The following L3MBTL4 variants were observed in gnomAD, a reference collection of about 807,000 sequenced individuals.
L3MBTL4 encodes the protein lethal(3)malignant brain tumor-like protein 4.
A neutral mutation model predicts 84.5 loss-of-function variants in L3MBTL4; 70 were observed. The observed-to-expected ratio is 0.83, with a 90% CI of 0.68 to 1.01. The LOEUF (loss-of-function observed/expected upper bound fraction) is 1.01, where lower values mean the gene tolerates loss of function less well. Among genes scored for constraint, L3MBTL4 ranks in the 50% least tolerant of loss-of-function variants. L3MBTL4 has a pLI of 0.00. For synonymous variants in L3MBTL4, 274 were observed against 259.8 expected (o/e 1.05, Z -0.52); for missense variants, 715 against 754.8 (o/e 0.95, Z 0.62).
Position 6,103,718 on chromosome 18 carries a change from T to C in L3MBTL4, c.1200-10190A>G, listed in dbSNP as rs79127322. Among the ~76,000 whole-genome samples, 494 of 152,370 alleles carry C rather than the reference T, an allele frequency of 3.2e-3. 7 individuals are homozygous for C. In the East Asian group the frequency reaches 0.046, roughly 14 times the overall value. On this transcript the variant is annotated intron_variant, in intron 14 of 18. Coordinates refer to ENST00000317931, the MANE Select transcript of L3MBTL4 (RefSeq NM_001330559.2). ...GTTTACATAGGTATATATTTATGTA[T>C]ACCCGCAAGCATCTAACCTGTGTGT...
Position 5,969,680 on chromosome 18 carries a change from C to CCCG in L3MBTL4, c.1445-121_1445-119dup, listed in dbSNP as rs1384275829. ...ACGGAAAGTGCAGACACCACCAGAA[C>CCCG]CCGCGTCTTCTGATCGTACAGCATC... is the stretch of plus-strand genomic sequence containing the variant. On this transcript the variant is annotated intron_variant, in intron 16 of 18. Transcript: ENST00000317931. 4 of 934,680 alleles carry CCCG rather than the reference C, an allele frequency of 4.3e-6. No homozygotes were observed. In the African/African-American group the frequency reaches 6.7e-5, roughly 16 times the overall value. 57.9% of individuals were successfully genotyped at this position (934,680 alleles called of 1,614,324 possible). A position where few individuals can be genotyped will look rare whatever the true frequency, so the allele number is the denominator to read the frequency against.
rs1014901131 is a variant in L3MBTL4, at chr18:6,335,114, G to A, written c.-90-23058C>T. Among the ~76,000 whole-genome samples, 5 of 152,164 alleles carry A rather than the reference G, an allele frequency of 3.3e-5. No individual in the cohort carries two copies. In the East Asian group the frequency reaches 9.7e-4, roughly 29 times the overall value. On this transcript the variant is annotated intron_variant, in intron 1 of 18. Transcript: ENST00000317931. ...ACTTTATTTATTCATTTTTTGAGAT[G>A]GAGTCTTGCTCTGTTGCCCAGGCTA...
rs886182969 is a variant in L3MBTL4, at chr18:6,206,293, C to T, written c.981+6856G>A. ...TCAGACACTCAAAGAAATGTATATC[C>T]CTAAAAAAGAAGAGTTAAGAACAAC... is the stretch of plus-strand genomic sequence containing the variant. On this transcript the variant is annotated intron_variant, in intron 12 of 18. Coordinates refer to ENST00000317931, the MANE Select transcript of L3MBTL4 (RefSeq NM_001330559.2). Among the ~76,000 whole-genome samples, 4 of 152,110 alleles carry T rather than the reference C, an allele frequency of 2.6e-5. No individual in the cohort carries two copies. The South Asian group carries it at 8.3e-4, about 32-fold the overall frequency.
chr18:6,195,160 G>T (rs1031162693), intron 12 of L3MBTL4, among the ~76,000 whole-genome samples: 8 of 152,216 alleles, frequency 5.3e-5, no homozygotes, highest in African/African-American at 1.9e-4. Flanking sequence ...GGCAGGAAAA[G>T]AAATCTTCTG....
intron 10 of L3MBTL4, among the ~76,000 whole-genome samples, chr18:6,219,335 C>A (rs1447220678): frequency 1.3e-5 from 2 of 151,838 alleles, no homozygotes; most frequent in African/African-American, 4.8e-5. Context: ...CATAGAACTG[C>A]GACAGCGAGA....
intron 16 of L3MBTL4, among the ~76,000 whole-genome samples, chr18:6,039,796 T>C (rs1361271421): frequency 6.6e-6 from 1 of 152,194 alleles, no homozygotes; most frequent in Non-Finnish European, 1.5e-5. Flanking sequence ...AACCAATGAC[T>C]TTGTACCAAT....
intron 15 of L3MBTL4, among the ~76,000 whole-genome samples, chr18:6,091,761 G>A (rs917463820): frequency 6.6e-6 from 1 of 152,092 alleles, no homozygotes; most frequent in African/African-American, 2.4e-5. Context: ...TTTCATTTCT[G>A]TGATTTTTGA....
At chr18:6,164,138 C>G (rs185101983) in intron 13 of L3MBTL4, among the ~76,000 whole-genome samples, 1 of 152,168 alleles carries the variant, frequency 6.6e-6, no homozygotes, top group Non-Finnish European at 1.5e-5. Context: ...GGGGTAGGGG[C>G]GCCCACCATT....
chr18:6,137,243 G>T (rs182980346), intron 14 of L3MBTL4, among the ~76,000 whole-genome samples: 276 of 152,294 alleles, frequency 1.8e-3, no homozygotes, highest in South Asian at 0.013. Context: ...CAGTCTTCAT[G>T]TCTTTCTTTT....
At chr18:6,345,729 GT>G (rs1353263957) in intron 1 of L3MBTL4, among the ~76,000 whole-genome samples, 1 of 152,006 alleles carries the variant, frequency 6.6e-6, no homozygotes, top group Non-Finnish European at 1.5e-5. Flanking sequence ...AATTAATACT[GT>G]TAAAATATTC....
At chr18:6,016,019 T>C (rs1325639599) in intron 16 of L3MBTL4, among the ~76,000 whole-genome samples, 1 of 152,192 alleles carries the variant, frequency 6.6e-6, no homozygotes, top group Non-Finnish European at 1.5e-5. Context: ...GAGTGTCCTG[T>C]GACCACTGCG....
chr18:6,404,169 C>T (rs911869902), intron 1 of L3MBTL4, among the ~76,000 whole-genome samples: 13 of 152,234 alleles, frequency 8.5e-5, no homozygotes, highest in Admixed American at 2.6e-4. Flanking sequence ...GTGATGGGTG[C>T]ACCAAAACCT....
chr18:6,375,013 A>G (rs1306055023), intron 1 of L3MBTL4, among the ~76,000 whole-genome samples: 4 of 152,216 alleles, frequency 2.6e-5, no homozygotes, highest in Admixed American at 2.0e-4. Context: ...ATAGGTTTCC[A>G]AAAAGCTTCT....
intron 14 of L3MBTL4, among the ~76,000 whole-genome samples, chr18:6,094,196 A>G (rs1383509954): frequency 6.6e-6 from 1 of 152,088 alleles, no homozygotes; most frequent in Non-Finnish European, 1.5e-5. Context: ...AGGGCCAATG[A>G]CCTGGTTCCT....
intron 12 of L3MBTL4, among the ~76,000 whole-genome samples, chr18:6,210,141 A>G (rs994316386): frequency 6.6e-6 from 1 of 152,218 alleles, no homozygotes; most frequent in Non-Finnish European, 1.5e-5. Flanking sequence ...TTGTATCTCA[A>G]AAAAGGTATA....
At position 5,969,582 on chromosome 18, in the gene L3MBTL4, G is replaced by C. The variant is rs774923684; in HGVS notation, c.1445-20C>G. The C allele has an allele frequency of 3.2e-6, 5 of 1,574,282 alleles. No individual in the cohort carries two copies. In the South Asian group the frequency reaches 6.0e-5, roughly 19 times the overall value. ...AGTATTCTGTAAGAGAGGTGGGGTG[G>C]GGTGAGGCTCAGGCTCCCAGAGAGC... is the stretch of plus-strand genomic sequence containing the variant. On this transcript the variant is annotated intron_variant, in intron 16 of 18. Coordinates refer to ENST00000317931, the MANE Select transcript of L3MBTL4 (RefSeq NM_001330559.2).
chr18:6,336,883 T>A (rs1227731222), intron 1 of L3MBTL4, among the ~76,000 whole-genome samples: 1 of 152,158 alleles, frequency 6.6e-6, no homozygotes, highest in African/African-American at 2.4e-5. Context: ...ACCAAAGACC[T>A]TAAAATAATT....
chr18:5,977,434 C>T (rs1045139536), intron 16 of L3MBTL4, among the ~76,000 whole-genome samples: 6 of 152,156 alleles, frequency 3.9e-5, no homozygotes, highest in Non-Finnish European at 8.8e-5. Context: ...CTGTCCTCTG[C>T]GCTTCTCCCA....
chr18:6,371,677 G>C (rs2054166824), intron 1 of L3MBTL4, among the ~76,000 whole-genome samples: 1 of 152,160 alleles, frequency 6.6e-6, no homozygotes, highest in Non-Finnish European at 1.5e-5. Flanking sequence ...AACAAATAAT[G>C]CTTAGAGAAC....
Sources: gnomAD v4.1 joint callset for allele counts (sites outside exome capture counted in the v4.1 genomes callset) on GRCh38, gnomAD v4.1.1 for gene constraint, MANE v1.5 for transcripts, NCBI Gene and HGNC (gene_info 2026-07-23, HGNC 2026-07-21) for gene names.